The following WDR7 variants were observed in gnomAD, a reference collection of about 807,000 sequenced individuals.
WDR7 encodes the protein WD repeat domain 7, also known as WD repeat-containing protein 7.
WDR7 carries 46 observed loss-of-function variants against 169.4 expected under a neutral mutation model. The observed-to-expected ratio is 0.27, with a 90% CI of 0.21 to 0.35. The LOEUF (loss-of-function observed/expected upper bound fraction) is 0.35. Ranked by LOEUF, WDR7 falls within the 10% of genes least tolerant of loss-of-function variation. WDR7 has a pLI of 1.00. For missense variants in WDR7, 1,534 were observed against 1,859.3 expected, an observed-to-expected ratio of 0.83 and a Z score of 3.22; for synonymous variants, 612 against 666.8, an observed-to-expected ratio of 0.92 and a Z score of 1.27.
At chr18:56,955,418 C>CATTT (rs1261339685) in intron 25 of WDR7, among the ~76,000 whole-genome samples, 1 of 151,974 alleles carries the variant, frequency 6.6e-6, no homozygotes, top group Non-Finnish European at 1.5e-5. Flanking sequence ...TGTTTCAGAC[C>CATTT]AAATCCCTAT....
chr18:56,758,025 T>C (rs976346234), intron 15 of WDR7, among the ~76,000 whole-genome samples: 18 of 152,064 alleles, frequency 1.2e-4, no homozygotes, highest in Admixed American at 3.3e-4. Flanking sequence ...ACATATGTAA[T>C]GATTGACGTG....
At chr18:56,696,853 T>C (rs553284553) in intron 12 of WDR7, among the ~76,000 whole-genome samples, 4 of 152,298 alleles carry the variant, frequency 2.6e-5, no homozygotes, top group African/African-American at 9.6e-5. Context: ...ATATATATGT[T>C]GGTAAAGGCA....
intron 1 of WDR7, among the ~76,000 whole-genome samples, chr18:56,663,020 T>C (rs1276764313): frequency 6.6e-6 from 1 of 152,308 alleles, no homozygotes; most frequent in Admixed American, 6.5e-5. Flanking sequence ...TCAGAAGGTT[T>C]ATTTTCTGTG....
chr18:57,011,395 G>T (rs2048134492), intron 26 of WDR7, among the ~76,000 whole-genome samples: 1 of 149,646 alleles, frequency 6.7e-6, no homozygotes, highest in Admixed American at 6.6e-5. Context: ...GTTTACTTGA[G>T]GCATTATATC....
At chr18:56,752,080 A>G (rs2043802280) in intron 14 of WDR7, among the ~76,000 whole-genome samples, 1 of 152,210 alleles carries the variant, frequency 6.6e-6, no homozygotes. Context: ...CTCAAACTTT[A>G]CTGCATAAAG....
intron 26 of WDR7, among the ~76,000 whole-genome samples, chr18:56,975,115 A>G (rs2047547370): frequency 6.6e-6 from 1 of 152,060 alleles, no homozygotes; most frequent in Admixed American, 6.6e-5. Context: ...GCGGGCGTCT[A>G]ATCCCAGCTA....
At chr18:56,815,978 T>C (rs538073915) in intron 19 of WDR7, 53 bp from the exon 20 acceptor site, 3 of 1,418,586 alleles carry the variant, frequency 2.1e-6, no homozygotes, top group Non-Finnish European at 2.8e-6. Context: ...ACTTTCTGTT[T>C]GCTTTACTTT....
chr18:56,971,748 G>A (rs1358800607), intron 26 of WDR7, among the ~76,000 whole-genome samples: 1 of 152,138 alleles, frequency 6.6e-6, no homozygotes, highest in Non-Finnish European at 1.5e-5. Flanking sequence ...TATAACATAT[G>A]CAAAGCCCAG....
At chr18:56,838,264 A>G (rs1405005147) in intron 20 of WDR7, among the ~76,000 whole-genome samples, 1 of 151,306 alleles carries the variant, frequency 6.6e-6, no homozygotes, top group African/African-American at 2.4e-5. Context: ...TTTGATCCTT[A>G]TTTAAGTTCT....
intron 14 of WDR7, among the ~76,000 whole-genome samples, chr18:56,751,140 T>A (rs1156904449): frequency 6.6e-6 from 1 of 152,088 alleles, no homozygotes; most frequent in African/African-American, 2.4e-5. Context: ...ACTAAGAAGC[T>A]CTAATAAGAG....
At chr18:56,720,426 G>A (rs1050212537) in intron 13 of WDR7, among the ~76,000 whole-genome samples, 13 of 152,148 alleles carry the variant, frequency 8.5e-5, no homozygotes, top group African/African-American at 3.1e-4. Context: ...CCCAGCCTGG[G>A]AGACAGAGAG....
intron 25 of WDR7, among the ~76,000 whole-genome samples, chr18:56,952,839 A>G (rs1599187426): frequency 1.3e-5 from 2 of 152,214 alleles, no homozygotes; most frequent in South Asian, 2.1e-4. Flanking sequence ...CAAGAAATCA[A>G]TCTGGAAAGG....
At chr18:56,653,949 A>G (rs1330304193) in intron 1 of WDR7, among the ~76,000 whole-genome samples, 1 of 152,214 alleles carries the variant, frequency 6.6e-6, no homozygotes, top group African/African-American at 2.4e-5. Flanking sequence ...GATGATGTTT[A>G]GAACAAGCAG....
At chr18:56,932,808 C>G (rs1167976310) in intron 22 of WDR7, among the ~76,000 whole-genome samples, 1 of 151,862 alleles carries the variant, frequency 6.6e-6, no homozygotes, top group Non-Finnish European at 1.5e-5. Flanking sequence ...TGGCATGAAC[C>G]CTGAAGATCT....
At chr18:56,697,809 TTGTG>T (rs1568143703) in intron 12 of WDR7, among the ~76,000 whole-genome samples, 1 of 152,116 alleles carries the variant, frequency 6.6e-6, no homozygotes, top group Non-Finnish European at 1.5e-5. Flanking sequence ...TTGATTGATT[TTGTG>T]TGTGTGTGAG....
chr18:56,818,966 A>G (rs2045032256), intron 20 of WDR7, among the ~76,000 whole-genome samples: 3 of 152,208 alleles, frequency 2.0e-5, no homozygotes, highest in Non-Finnish European at 4.4e-5. Flanking sequence ...AGCTATAGTT[A>G]GGCTAATGTG....
At chr18:56,690,798 G>A (rs372122824) in intron 7 of WDR7, among the ~76,000 whole-genome samples, 2 of 135,428 alleles carry the variant, frequency 1.5e-5, no homozygotes, top group East Asian at 4.4e-4. Context: ...CTGGGTGGCA[G>A]AGCAAGACTT....
At chr18:57,012,465 C>T (rs993503049) in intron 26 of WDR7, among the ~76,000 whole-genome samples, 7 of 152,030 alleles carry the variant, frequency 4.6e-5, no homozygotes, top group African/African-American at 1.4e-4. Flanking sequence ...TCTGCGAGGT[C>T]CCCTGAAATT....
chr18:57,028,865 T>C lies in WDR7; in HGVS notation c.*1658T>C, dbSNP rs903788669. On this transcript the variant is annotated 3_prime_UTR_variant, in exon 28 of 28. Coordinates refer to ENST00000254442, the MANE Select transcript of WDR7 (RefSeq NM_015285.3). ...AAAAGTGAATTTAGGCACATGCATG[T>C]ACATTGTATTTATAAAGATTATATA... The C allele has an allele frequency of 1.3e-5, 2 of 152,678 alleles. No homozygotes were observed. Among genetic ancestry groups the C allele is most frequent in the Admixed American group, 6.5e-5 (1 of 15,286 alleles). 9.5% of individuals were successfully genotyped at this position (152,678 alleles called of 1,614,324 possible). A position where few individuals can be genotyped will look rare whatever the true frequency, so the allele number is the denominator to read the frequency against.
Sources: gnomAD v4.1 joint callset for allele counts (sites outside exome capture counted in the v4.1 genomes callset) on GRCh38, gnomAD v4.1.1 for gene constraint, MANE v1.5 for transcripts, NCBI Gene and HGNC (gene_info 2026-07-23, HGNC 2026-07-21) for gene names.